LHFPL3: variants seen among roughly 807,000 people sequenced by gnomAD.
The protein encoded by LHFPL3 is LHFPL tetraspan subfamily member 3, also known as LHFPL tetraspan subfamily member 3 protein.
In LHFPL3, 5 loss-of-function variants were observed where a neutral mutation model predicts 19.3. The ratio of observed to expected loss-of-function variants is 0.26; its 90% CI spans 0.14 to 0.54. The LOEUF is 0.54. Ranked by LOEUF, LHFPL3 falls within the 20% of genes least tolerant of loss-of-function variation. The pLI, the probability that LHFPL3 is intolerant of heterozygous loss-of-function variation, is 0.94. For missense variants in LHFPL3, 249 were observed against 307.4 expected, an observed-to-expected ratio of 0.81 and a Z score of 1.42; for synonymous variants, 133 against 126.2, an observed-to-expected ratio of 1.05 and a Z score of -0.36.
chr7:104,619,151 T>C (rs143619744), intron 1 of LHFPL3, among the ~76,000 whole-genome samples: 2 of 152,290 alleles, frequency 1.3e-5, no homozygotes, highest in Non-Finnish European at 2.9e-5. Flanking sequence ...TATAAATGAC[T>C]TTAGTAAGAA....
At chr7:104,696,009 G>T (rs148745857) in intron 1 of LHFPL3, among the ~76,000 whole-genome samples, 300 of 152,246 alleles carry the variant, frequency 2.0e-3, no homozygotes, top group African/African-American at 7.1e-3. Context: ...GGAGTGCAGT[G>T]GCACGATCTT....
intron 1 of LHFPL3, among the ~76,000 whole-genome samples, chr7:104,477,754 TA>T (rs10551335): frequency 0.56 from 84,349 of 151,342 alleles, 23,882 homozygotes; most frequent in African/African-American, 0.59. Context: ...TAAAATAAGT[TA>T]AAAAAAAAAA....
At chr7:104,477,732 G>A (rs1793050925) in intron 1 of LHFPL3, among the ~76,000 whole-genome samples, 1 of 136,452 alleles carries the variant, frequency 7.3e-6, no homozygotes, top group Admixed American at 7.9e-5. Context: ...ACCTGCATTT[G>A]TACTCTGAAC....
chr7:104,632,547 C>A (rs925271068), intron 1 of LHFPL3, among the ~76,000 whole-genome samples: 2 of 152,184 alleles, frequency 1.3e-5, no homozygotes, highest in African/African-American at 4.8e-5. Context: ...ATAAATGTTT[C>A]CTGAGAAACT....
intron 1 of LHFPL3, among the ~76,000 whole-genome samples, chr7:104,407,921 A>T (rs181939728): frequency 1.3e-5 from 2 of 152,354 alleles, no homozygotes; most frequent in Admixed American, 1.3e-4. Context: ...ATGAATTACA[A>T]TTCCAAATCC....
At chr7:104,620,664 T>TCCC (rs3047352) in intron 1 of LHFPL3, among the ~76,000 whole-genome samples, 44 of 151,986 alleles carry the variant, frequency 2.9e-4, no homozygotes, top group Admixed American at 3.9e-4. Context: ...GTAGCACTTT[T>TCCC]CCCCCCAGTG....
chr7:104,807,828 T>A (rs777347456), intron 2 of LHFPL3, among the ~76,000 whole-genome samples: 3 of 152,372 alleles, frequency 2.0e-5, no homozygotes, highest in Non-Finnish European at 4.4e-5. Flanking sequence ...ACTGAACGTC[T>A]AAAGCACACT....
intron 1 of LHFPL3, among the ~76,000 whole-genome samples, chr7:104,329,489 G>A (rs1318411076): frequency 6.6e-6 from 1 of 152,272 alleles, no homozygotes; most frequent in Non-Finnish European, 1.5e-5. Flanking sequence ...CCCGGAGGCA[G>A]GGCGGTTGTG....
intron 2 of LHFPL3, among the ~76,000 whole-genome samples, chr7:104,764,654 A>G (rs564630825): frequency 1.3e-5 from 2 of 152,380 alleles, no homozygotes; most frequent in South Asian, 2.1e-4. Context: ...TACAGTTTAC[A>G]TGACTTACCC....
chr7:104,522,539 TA>T (rs1424950911), intron 1 of LHFPL3, among the ~76,000 whole-genome samples: 3 of 151,342 alleles, frequency 2.0e-5, no homozygotes, highest in African/African-American at 4.9e-5. Context: ...AGTATAATAA[TA>T]AAAAAAAGAA....
At chr7:104,765,252 GA>G (rs949603875) in intron 2 of LHFPL3, among the ~76,000 whole-genome samples, 1 of 152,136 alleles carries the variant, frequency 6.6e-6, no homozygotes, top group African/African-American at 2.4e-5. Flanking sequence ...CAGCACAAAA[GA>G]AAAAGTTATG....
chr7:104,599,671 A>G (rs372927300), intron 1 of LHFPL3, among the ~76,000 whole-genome samples: 34 of 152,346 alleles, frequency 2.2e-4, no homozygotes, highest in African/African-American at 7.7e-4. Context: ...TCACACTTCA[A>G]TACAATGAGG....
chr7:104,850,830 A>C (rs541095191), intron 2 of LHFPL3, among the ~76,000 whole-genome samples: 36 of 151,384 alleles, frequency 2.4e-4, no homozygotes, highest in Admixed American at 1.2e-3. Flanking sequence ...CCAAACACTG[A>C]TTCTCAAATG....
chr7:104,614,252 A>G (rs747614217), intron 1 of LHFPL3, among the ~76,000 whole-genome samples: 2 of 152,172 alleles, frequency 1.3e-5, no homozygotes, highest in Non-Finnish European at 2.9e-5. Context: ...CCATCATGGT[A>G]CTTTCATAAG....
intron 2 of LHFPL3, among the ~76,000 whole-genome samples, chr7:104,890,528 T>C (rs1792224740): frequency 2.0e-5 from 3 of 152,228 alleles, no homozygotes; most frequent in Non-Finnish European, 4.4e-5. Context: ...AGCAGCTAAA[T>C]TGGCTGTGTG....
intron 1 of LHFPL3, among the ~76,000 whole-genome samples, chr7:104,522,295 C>A (rs1329692057): frequency 1.3e-5 from 2 of 149,952 alleles, no homozygotes; most frequent in African/African-American, 2.5e-5. Flanking sequence ...GAACAAAAAA[C>A]CAAACACCGC....
At chr7:104,604,322 G>T (rs1791047177) in intron 1 of LHFPL3, among the ~76,000 whole-genome samples, 1 of 152,186 alleles carries the variant, frequency 6.6e-6, no homozygotes, top group African/African-American at 2.4e-5. Context: ...GCAGCTCTGA[G>T]CAGCAAAACC....
chr7:104,356,487 G>T (rs937716555), intron 1 of LHFPL3, among the ~76,000 whole-genome samples: 3 of 152,148 alleles, frequency 2.0e-5, no homozygotes, highest in Admixed American at 2.0e-4. Flanking sequence ...AGTTTCATTT[G>T]GACCATGGCA....
At chr7:104,545,624 G>A (rs972951880) in intron 1 of LHFPL3, among the ~76,000 whole-genome samples, 2 of 152,124 alleles carry the variant, frequency 1.3e-5, no homozygotes, top group African/African-American at 2.4e-5. Flanking sequence ...AGCACTGTGC[G>A]ATCTATCACC....
Sources: gnomAD v4.1 joint callset for allele counts (sites outside exome capture counted in the v4.1 genomes callset) on GRCh38, gnomAD v4.1.1 for gene constraint, MANE v1.5 for transcripts, NCBI Gene and HGNC (gene_info 2026-07-23, HGNC 2026-07-21) for gene names.